VPS53: variants seen among roughly 807,000 people sequenced by gnomAD.
VPS53 encodes the protein VPS53 subunit of GARP complex.
A neutral mutation model predicts 107.0 loss-of-function variants in VPS53; 70 were observed. The observed-to-expected ratio is 0.65, with a 90% CI of 0.54 to 0.80. The LOEUF is 0.80. Ranked by LOEUF, VPS53 falls within the 30% of genes least tolerant of loss-of-function variation. The pLI is 0.00. For missense variants in VPS53, 917 were observed against 1,049.4 expected, an observed-to-expected ratio of 0.87 and a Z score of 1.74; for synonymous variants, 409 against 393.3, an observed-to-expected ratio of 1.04 and a Z score of -0.47.
At chr17:702,416 A>C (rs1224807586) in intron 2 of VPS53, among the ~76,000 whole-genome samples, 2 of 152,142 alleles carry the variant, frequency 1.3e-5, no homozygotes, top group Non-Finnish European at 2.9e-5. Flanking sequence ...CTGTAATCCC[A>C]GCACTTTGAG....
intron 18 of VPS53, among the ~76,000 whole-genome samples, chr17:535,546 G>A (rs1012610553): frequency 1.3e-5 from 2 of 152,192 alleles, no homozygotes; most frequent in Non-Finnish European, 2.9e-5. Context: ...GCTGGGACTG[G>A]CTAAGTCAAC....
At chr17:523,881 C>G (rs971554313) in intron 19 of VPS53, among the ~76,000 whole-genome samples, 4 of 152,212 alleles carry the variant, frequency 2.6e-5, no homozygotes, top group African/African-American at 9.6e-5. Context: ...CGTGAAGAGC[C>G]TGGCGTTAGC....
intron 11 of VPS53, among the ~76,000 whole-genome samples, chr17:614,912 A>G (rs1567677053): frequency 6.6e-6 from 1 of 152,360 alleles, no homozygotes; most frequent in East Asian, 1.9e-4. Context: ...CAGCTGCATA[A>G]AAGGGGAACA....
In VPS53 at chr17:526,978, AG is replaced by A. The variant is rs142943878; in HGVS notation, c.2086-5241del. Among the ~76,000 whole-genome samples the A allele has an allele frequency of 7.7e-4, 117 of 152,384 alleles. 1 individual carries two copies. In the East Asian group the frequency reaches 0.021, roughly 27 times the overall value. ...AGAAAATTCTTCAATGAGGTGGCAC[AG>A]GGGAGACAGCTCAGGCTATCAGGAG... On this transcript the variant is annotated intron_variant, in intron 19 of 21. Coordinates refer to ENST00000437048, the MANE Select transcript of VPS53 (RefSeq NM_001128159.3).
Position 562,522 on chromosome 17 carries a change from G to C in VPS53, c.1537C>G (p.Leu513Val), listed in dbSNP as rs188881796. 1 of 1,614,104 alleles carries C rather than the reference G, an allele frequency of 6.2e-7. No individual in the cohort carries two copies. Among genetic ancestry groups the C allele is most frequent in the Admixed American group, 1.7e-5 (1 of 60,006 alleles). ...KYLREYAWKI[L>V]SGNLPKTTTS... is the part of the protein sequence containing the mutation. ...ACTCACTTGGGCAGGTTGCCAGAGA[G>C]GATTTTCCAGGCGTATTCTCGGAGG... The change falls in exon 14 of 22, where the codon CTC (leucine) becomes GTC (valine). Residue 513 changes from leucine (L) to valine (V), a missense_variant. By Grantham distance (32) the Leu-to-Val change is conservative (BLOSUM62 1). Transcript: ENST00000437048.
At chr17:660,653 CCT>C (rs1971402649) in intron 5 of VPS53, among the ~76,000 whole-genome samples, 1 of 86,036 alleles carries the variant, frequency 1.2e-5, no homozygotes, top group Non-Finnish European at 2.2e-5. Flanking sequence ...GACGAGGGCC[CCT>C]GGGTGCTGCT....
chr17:666,814 G>A, intron 4 of VPS53, among the ~76,000 whole-genome samples: 1 of 152,130 alleles, frequency 6.6e-6, no homozygotes, highest in East Asian at 1.9e-4. Flanking sequence ...AGCTACTCAG[G>A]AGGCTGAGGT....
At chr17:644,899 A>C (rs1970622073) in intron 7 of VPS53, among the ~76,000 whole-genome samples, 1 of 152,228 alleles carries the variant, frequency 6.6e-6, no homozygotes, top group Non-Finnish European at 1.5e-5. Context: ...AGTGTTACTT[A>C]ATAGCACATA....
chr17:531,541 GTTGCCCAGGCT>G lies in VPS53; in HGVS notation c.2085+1290_2085+1300del, dbSNP rs546477958. Reference sequence around the variant, plus strand: ...TGTGGGGCAGATGGTGTCTTACTCTGTTGCCCAGGCTTCAGTGCAGCGGCACGATCATAGCT... The same window carrying G: ...TGTGGGGCAGATGGTGTCTTACTCTGTCAGTGCAGCGGCACGATCATAGCT... On this transcript the variant is annotated intron_variant, in intron 19 of 21. Coordinates refer to ENST00000437048, the MANE Select transcript of VPS53 (RefSeq NM_001128159.3). Among the ~76,000 whole-genome samples, 164 of 151,674 alleles carry G rather than the reference GTTGCCCAGGCT, an allele frequency of 1.1e-3. 1 individual carries two copies. The highest frequency in any genetic ancestry group is 3.7e-3 in the African/African-American group (152 of 41,308).
At chr17:702,311 G>C (rs1973229793) in intron 2 of VPS53, among the ~76,000 whole-genome samples, 1 of 152,030 alleles carries the variant, frequency 6.6e-6, no homozygotes, top group South Asian at 2.1e-4. Context: ...CTGTGATGGA[G>C]CCACTGAACT....
At chr17:674,219 A>G (rs909842096) in intron 4 of VPS53, 2 of 152,234 alleles carry the variant, frequency 1.3e-5, no homozygotes, top group Non-Finnish European at 2.9e-5. Context: ...AATGGGGCAC[A>G]TTAAAAGGAA....
At chr17:593,528 C>T (rs991775956) in intron 12 of VPS53, among the ~76,000 whole-genome samples, 1 of 152,156 alleles carries the variant, frequency 6.6e-6, no homozygotes, top group African/African-American at 2.4e-5. Flanking sequence ...CAAAAGAAGA[C>T]ATTTATGCAG....
intron 13 of VPS53, among the ~76,000 whole-genome samples, chr17:563,095 T>G (rs1294392549): frequency 6.6e-6 from 1 of 152,188 alleles, no homozygotes; most frequent in Non-Finnish European, 1.5e-5. Context: ...AGAAAGTTTC[T>G]CACAAAGTCT....
intron 8 of VPS53, among the ~76,000 whole-genome samples, chr17:628,459 C>T (rs1969812134): frequency 6.6e-6 from 1 of 152,182 alleles, no homozygotes; most frequent in South Asian, 2.1e-4. Context: ...TGTGAATCTG[C>T]AATGAGATAT....
rs1973112070 is a variant in VPS53 at position 699,392 on chromosome 17, A to C, written c.169-12T>G. 6.4e-7 allele frequency: 1 copy of C among 1,554,066 alleles called. No individual in the cohort carries two copies. The highest frequency in any genetic ancestry group is 1.4e-5 in the African/African-American group (1 of 71,406). ...ATGTTCGCCAGAGACTACAATAAAGAAGGAAGAGTGCCCAGCTGTTAGTCC... is the reference window on the plus strand; with the variant it reads ...ATGTTCGCCAGAGACTACAATAAAGCAGGAAGAGTGCCCAGCTGTTAGTCC... On this transcript the variant is annotated splice_polypyrimidine_tract_variant and intron_variant, in intron 2 of 21. Transcript: ENST00000437048.
chr17:687,900 G>A (rs1972647222), intron 4 of VPS53, among the ~76,000 whole-genome samples: 1 of 152,044 alleles, frequency 6.6e-6, no homozygotes, highest in Admixed American at 6.6e-5. Context: ...TAAATTCAAA[G>A]CTCAAGTTTT....
At chr17:633,255 C>T (rs893093832) in intron 7 of VPS53, among the ~76,000 whole-genome samples, 1 of 152,202 alleles carries the variant, frequency 6.6e-6, no homozygotes, top group Non-Finnish European at 1.5e-5. Flanking sequence ...GCATCCCCCA[C>T]GAGCTGCCTG....
At chr17:630,295 A>AC (rs1403754449) in intron 8 of VPS53, among the ~76,000 whole-genome samples, 1 of 151,954 alleles carries the variant, frequency 6.6e-6, no homozygotes, top group African/African-American at 2.4e-5. Flanking sequence ...CCGTCAAAAA[A>AC]AAAACAAACA....
chr17:636,778 T>C (rs1970213986), intron 7 of VPS53, among the ~76,000 whole-genome samples: 1 of 152,232 alleles, frequency 6.6e-6, no homozygotes, highest in Admixed American at 6.5e-5. Flanking sequence ...CACTTGATCA[T>C]GGTGGATAAG....
Sources: gnomAD v4.1 joint callset for allele counts (sites outside exome capture counted in the v4.1 genomes callset) on GRCh38, gnomAD v4.1.1 for gene constraint, MANE v1.5 for transcripts, NCBI Gene and HGNC (gene_info 2026-07-23, HGNC 2026-07-21) for gene names.